Variants in LPAR3 observed in about 807,000 individuals in gnomAD.
LPAR3 encodes LPA receptor 3.
Under a neutral mutation model 17.8 loss-of-function variants are expected in LPAR3, and 7 were observed. The observed-to-expected ratio is 0.39, with a 90% CI of 0.22 to 0.74. LPAR3 has a LOEUF of 0.74. Among genes scored for constraint, LPAR3 ranks in the 30% least tolerant of loss-of-function variants. The pLI, the probability that LPAR3 is intolerant of heterozygous loss-of-function variation, is 0.40. For synonymous variants in LPAR3, 179 were observed against 179.9 expected (o/e 0.99, Z 0.04); for missense variants, 391 against 453.4 (o/e 0.86, Z 1.25).
chr1:84,886,511 G>C (rs1270141722), intron 1 of LPAR3, among the ~76,000 whole-genome samples: 1 of 152,132 alleles, frequency 6.6e-6, no homozygotes, highest in Non-Finnish European at 1.5e-5. Flanking sequence ...GTAGTACAGA[G>C]CAAGACCCTG....
intron 1 of LPAR3, among the ~76,000 whole-genome samples, chr1:84,889,127 A>G (rs1454085745): frequency 6.6e-6 from 1 of 151,966 alleles, no homozygotes; most frequent in Non-Finnish European, 1.5e-5. Context: ...GGAGGACATA[A>G]GACTGGGGGT....
At chr1:84,820,573 T>C (rs1659033840) in intron 2 of LPAR3, among the ~76,000 whole-genome samples, 1 of 152,078 alleles carries the variant, frequency 6.6e-6, no homozygotes, top group African/African-American at 2.4e-5. Context: ...ATTGAGGAAG[T>C]AAGGTAAAGT....
intron 1 of LPAR3, among the ~76,000 whole-genome samples, chr1:84,885,586 T>C (rs1660445792): frequency 6.6e-6 from 1 of 152,224 alleles, no homozygotes; most frequent in South Asian, 2.1e-4. Context: ...GCAATCAGCA[T>C]GTAGCTGGGA....
At chr1:84,881,225 T>C (rs1444797000) in intron 1 of LPAR3, among the ~76,000 whole-genome samples, 1 of 150,682 alleles carries the variant, frequency 6.6e-6, no homozygotes, top group African/African-American at 2.4e-5. Flanking sequence ...GGCAGGATGG[T>C]GAGGGGAGGG....
intron 1 of LPAR3, among the ~76,000 whole-genome samples, chr1:84,891,678 T>C (rs1039445561): frequency 2.6e-5 from 4 of 152,204 alleles, no homozygotes; most frequent in African/African-American, 7.2e-5. Flanking sequence ...CAAAAGTCCA[T>C]GCATTAATGA....
At chr1:84,868,901 C>T (rs2102766922) in intron 1 of LPAR3, among the ~76,000 whole-genome samples, 2 of 152,214 alleles carry the variant, frequency 1.3e-5, no homozygotes, top group East Asian at 3.9e-4. Context: ...TAGACTAAGA[C>T]ACCACATGGG....
chr1:84,876,153 C>T (rs968868261), intron 1 of LPAR3, among the ~76,000 whole-genome samples: 2 of 152,196 alleles, frequency 1.3e-5, no homozygotes, highest in Admixed American at 6.5e-5. Flanking sequence ...GAAGCAGCAT[C>T]CATCACTGGA....
intron 1 of LPAR3, among the ~76,000 whole-genome samples, chr1:84,877,948 G>A (rs1437894715): frequency 1.3e-5 from 2 of 151,504 alleles, no homozygotes; most frequent in Admixed American, 1.3e-4. Context: ...AGGGGATTTG[G>A]AAACCTGATG....
At chr1:84,864,712 G>A (rs1660006045) in intron 2 of LPAR3, among the ~76,000 whole-genome samples, 1 of 152,158 alleles carries the variant, frequency 6.6e-6, no homozygotes, top group South Asian at 2.1e-4. Context: ...GAACTCGGGA[G>A]GTGGAGGTTG....
chr1:84,890,990 G>C (rs1660542871), intron 1 of LPAR3, among the ~76,000 whole-genome samples: 1 of 152,136 alleles, frequency 6.6e-6, no homozygotes, highest in Non-Finnish European at 1.5e-5. Context: ...AAAATGAGAT[G>C]GAGAGTTAAC....
At chr1:84,889,913 T>C (rs180963242) in intron 1 of LPAR3, among the ~76,000 whole-genome samples, 4 of 152,318 alleles carry the variant, frequency 2.6e-5, no homozygotes, top group Admixed American at 2.6e-4. Flanking sequence ...AGAAAAGTAA[T>C]TATTATCCCC....
chr1:84,886,645 T>C (rs1570910188), intron 1 of LPAR3, among the ~76,000 whole-genome samples: 1 of 152,220 alleles, frequency 6.6e-6, no homozygotes, highest in East Asian at 1.9e-4. Context: ...TTTGCTTGAC[T>C]GTAGTAATTA....
rs551053309 is a variant in LPAR3 at position 84,857,539 on chromosome 1, C to A, written c.736+7846G>T. The stretch of plus-strand genomic sequence containing the variant: ...AGCATAAAGTTTGAAGAGTATAGAG[C>A]TGTCATTTTCCAGGAGATGTTTTCA... On this transcript the variant is annotated intron_variant, in intron 2 of 2. Coordinates refer to ENST00000370611, the MANE Select transcript of LPAR3 (RefSeq NM_012152.3). Among the ~76,000 whole-genome samples, 70 of 152,290 alleles carry A rather than the reference C, an allele frequency of 4.6e-4. 1 individual carries two copies. Among genetic ancestry groups the A allele is most frequent in the Admixed American group, 1.8e-3 (28 of 15,302 alleles).
At chr1:84,850,412 A>AAAAAAAAAAAAAAAAAAG (rs1553148195) in intron 2 of LPAR3, among the ~76,000 whole-genome samples, 5 of 149,720 alleles carry the variant, frequency 3.3e-5, no homozygotes, top group Non-Finnish European at 5.9e-5. Flanking sequence ...AAAAAAAAAA[A>AAAAAAAAAAAAAAAAAAG]AAAAAGAAAA....
intron 1 of LPAR3, among the ~76,000 whole-genome samples, chr1:84,871,988 C>T (rs1265984478): frequency 6.6e-6 from 1 of 152,174 alleles, no homozygotes; most frequent in Non-Finnish European, 1.5e-5. Context: ...CCTCAACTAT[C>T]TACTTGGGCT....
At chr1:84,862,176 A>G (rs1220136611) in intron 2 of LPAR3, among the ~76,000 whole-genome samples, 3 of 152,236 alleles carry the variant, frequency 2.0e-5, no homozygotes, top group Non-Finnish European at 4.4e-5. Flanking sequence ...GTTCATTGAC[A>G]CTATCTGTAA....
rs1255806317 is a variant in LPAR3 at position 84,893,200 on chromosome 1, C to T, written c.-203G>A. The T allele has an allele frequency of 1.3e-5, 2 of 152,150 alleles. No individual in the cohort carries two copies. The highest frequency in any genetic ancestry group is 1.3e-4 in the Admixed American group (2 of 15,266). The allele number at this position is 152,150 out of a possible 1,614,324, so 9.4% of individuals were successfully genotyped here. ...AGCGACCCCTGCGACGCGTCCAGAG[C>T]CAAAGGAAAGTTTGGCGGTGCGAGG... is the stretch of plus-strand genomic sequence containing the variant. On this transcript the variant is annotated 5_prime_UTR_variant, in exon 1 of 3. Transcript: ENST00000370611.
intron 2 of LPAR3, among the ~76,000 whole-genome samples, chr1:84,836,173 C>CA (rs888116747): frequency 6.6e-6 from 1 of 150,730 alleles, no homozygotes; most frequent in African/African-American, 2.4e-5. Context: ...TCTGTCTCTA[C>CA]AAAAAAATAT....
intron 1 of LPAR3, among the ~76,000 whole-genome samples, chr1:84,890,243 A>C (rs940455332): frequency 1.1e-5 from 1 of 92,538 alleles, no homozygotes; most frequent in Non-Finnish European, 2.2e-5. Context: ...CAAAAGGCCC[A>C]TGGCCAGGAA....
Sources: gnomAD v4.1 joint callset for allele counts (sites outside exome capture counted in the v4.1 genomes callset) on GRCh38, gnomAD v4.1.1 for gene constraint, MANE v1.5 for transcripts, NCBI Gene and HGNC (gene_info 2026-07-23, HGNC 2026-07-21) for gene names.